Variants in CARMIL1 observed in about 807,000 individuals in gnomAD.
The protein encoded by CARMIL1 is F-actin-uncapping protein LRRC16A.
CARMIL1 carries 90 observed loss-of-function variants against 177.1 expected under a neutral mutation model. That is an observed-to-expected ratio of 0.51 (90% CI 0.43 to 0.61). The LOEUF is 0.61. CARMIL1 is among the 20% of genes least tolerant of loss of function. The pLI, the probability that CARMIL1 is intolerant of heterozygous loss-of-function variation, is 0.00. For synonymous variants in CARMIL1, 577 were observed against 606.2 expected (o/e 0.95, Z 0.71); for missense variants, 1,380 against 1,667.0 (o/e 0.83, Z 3.00).
At chr6:25,322,989 T>C (rs1429593076) in intron 2 of CARMIL1, among the ~76,000 whole-genome samples, 1 of 152,186 alleles carries the variant, frequency 6.6e-6, no homozygotes, top group Non-Finnish European at 1.5e-5. Context: ...AGAGGAGGGC[T>C]AGAATTGTGA....
intron 2 of CARMIL1, among the ~76,000 whole-genome samples, chr6:25,351,959 G>C (rs1042780367): frequency 5.9e-5 from 9 of 151,986 alleles, no homozygotes; most frequent in African/African-American, 2.2e-4. Flanking sequence ...GTGATACTGG[G>C]TCTATCAGAA....
rs57127326 is a variant in CARMIL1 at position 25,293,265 on chromosome 6, G to GGTGTGTGTGTGTGTGT, written c.138+8381_138+8396dup. 5.9e-3 allele frequency among the ~76,000 whole-genome samples: 796 copies of GGTGTGTGTGTGTGTGT among 134,354 alleles called. 9 individuals are homozygous for GGTGTGTGTGTGTGTGT. Among genetic ancestry groups the GGTGTGTGTGTGTGTGT allele is most frequent in the Middle Eastern group, 0.012 (3 of 252 alleles). The allele number at this position is 134,354 out of a possible 152,430, so 88.1% of individuals were successfully genotyped here. ...GCAAAGAGGGGAAAGAAGGATGCTT[G>GGTGTGTGTGTGTGTGT]GTGTGTGTGTGTGTGTGTGTGTGTG... On this transcript the variant is annotated intron_variant, in intron 2 of 36. Coordinates refer to ENST00000329474, the MANE Select transcript of CARMIL1 (RefSeq NM_017640.6).
At chr6:25,443,448 A>T (rs1004039945) in intron 5 of CARMIL1, among the ~76,000 whole-genome samples, 8 of 152,228 alleles carry the variant, frequency 5.3e-5, no homozygotes, top group African/African-American at 1.9e-4. Context: ...GCACTTGTAG[A>T]TCTTGTGCAT....
intron 17 of CARMIL1, among the ~76,000 whole-genome samples, chr6:25,500,613 G>A (rs190485201): frequency 6.6e-6 from 1 of 152,128 alleles, no homozygotes; most frequent in African/African-American, 2.4e-5. Flanking sequence ...TTTGTAGAGC[G>A]TGAAAGAGAA....
intron 2 of CARMIL1, among the ~76,000 whole-genome samples, chr6:25,356,047 CTTCTTTT>C (rs1350047099): frequency 7.7e-6 from 1 of 129,550 alleles, no homozygotes; most frequent in East Asian, 2.1e-4. Flanking sequence ...CCTTCTAAGA[CTTCTTTT>C]TTTTTTTTTT....
At chr6:25,325,555 G>A (rs964001083) in intron 2 of CARMIL1, among the ~76,000 whole-genome samples, 1 of 152,152 alleles carries the variant, frequency 6.6e-6, no homozygotes, top group Non-Finnish European at 1.5e-5. Context: ...GGAATTATTC[G>A]AACAATCTTA....
intron 33 of CARMIL1, among the ~76,000 whole-genome samples, chr6:25,602,452 C>T (rs746781446): frequency 6.6e-6 from 1 of 152,160 alleles, no homozygotes; most frequent in Non-Finnish European, 1.5e-5. Flanking sequence ...GTAAAGATGA[C>T]ATTTACTAGA....
intron 36 of CARMIL1, among the ~76,000 whole-genome samples, chr6:25,618,184 A>C (rs1759438313): frequency 6.6e-6 from 1 of 151,992 alleles, no homozygotes; most frequent in Admixed American, 6.6e-5. Flanking sequence ...TTGCATTTTG[A>C]CTGTTAGGTT....
chr6:25,555,815 A>G (rs540747653), intron 28 of CARMIL1, among the ~76,000 whole-genome samples: 1 of 152,108 alleles, frequency 6.6e-6, no homozygotes, highest in African/African-American at 2.4e-5. Context: ...ACTAACAGAA[A>G]TCTTCATGTG....
In CARMIL1 at chr6:25,420,039, G is replaced by A; in HGVS notation, c.139-75G>A. The A allele has an allele frequency of 2.7e-6, 3 of 1,120,880 alleles. No individual in the cohort carries two copies. The Admixed American group carries it at 5.1e-5, about 19-fold the overall frequency. The allele number at this position is 1,120,880 out of a possible 1,614,324, so 69.4% of individuals were successfully genotyped here. ...CTTCTGAGGTTTCAGTATCATTAAA[G>A]TCCCGTGGAAACACCAAAGCCCACT... On this transcript the variant is annotated intron_variant, in intron 2 of 36. Coordinates refer to ENST00000329474, the MANE Select transcript of CARMIL1 (RefSeq NM_017640.6).
chr6:25,397,784 A>G (rs911349176), intron 2 of CARMIL1, among the ~76,000 whole-genome samples: 1 of 152,124 alleles, frequency 6.6e-6, no homozygotes. Context: ...TAGGTATTCC[A>G]TCACTCAGCT....
chr6:25,486,184 G>A (rs530976065), intron 12 of CARMIL1, among the ~76,000 whole-genome samples: 1 of 152,144 alleles, frequency 6.6e-6, no homozygotes, highest in African/African-American at 2.4e-5. Context: ...TGTTTAGTTA[G>A]GGCTGTAAGA....
chr6:25,361,666 A>G (rs911246726), intron 2 of CARMIL1, among the ~76,000 whole-genome samples: 7 of 152,202 alleles, frequency 4.6e-5, no homozygotes, highest in African/African-American at 1.2e-4. Context: ...GCCAAATTTC[A>G]TGTGTTGGAA....
rs529516897 is a variant in CARMIL1, at chr6:25,592,591, C to G, written c.3007-1824C>G. On this transcript the variant is annotated intron_variant, in intron 31 of 36. Coordinates refer to ENST00000329474, the MANE Select transcript of CARMIL1 (RefSeq NM_017640.6). ...CTTTGCCTATTATCTGTTGTCTCTTCACTTTTCAGCATGTCACAAACATGA... is the reference window on the plus strand; with the variant it reads ...CTTTGCCTATTATCTGTTGTCTCTTGACTTTTCAGCATGTCACAAACATGA... Among the ~76,000 whole-genome samples, 15 of 152,324 alleles carry G rather than the reference C, an allele frequency of 9.8e-5. No individual in the cohort carries two copies. In the East Asian group the frequency reaches 2.9e-3, roughly 29 times the overall value.
chr6:25,464,847 A>G (rs1800452270), intron 8 of CARMIL1, among the ~76,000 whole-genome samples: 2 of 152,182 alleles, frequency 1.3e-5, no homozygotes, highest in Admixed American at 1.3e-4. Flanking sequence ...GCAGTAAAAG[A>G]TTATTCTGAA....
intron 12 of CARMIL1, among the ~76,000 whole-genome samples, chr6:25,487,554 G>A (rs1802789792): frequency 6.6e-6 from 1 of 152,156 alleles, no homozygotes; most frequent in African/African-American, 2.4e-5. Context: ...TGGACTTTTG[G>A]TAGAAACATG....
chr6:25,513,883 A>G (rs988697229), intron 20 of CARMIL1, among the ~76,000 whole-genome samples: 1 of 152,156 alleles, frequency 6.6e-6, no homozygotes, highest in African/African-American at 2.4e-5. Flanking sequence ...CTAGGACAAT[A>G]TAGAGGACCC....
At chr6:25,546,600 A>G (rs1051937461) in intron 26 of CARMIL1, among the ~76,000 whole-genome samples, 15 of 149,878 alleles carry the variant, frequency 1.0e-4, no homozygotes, top group Admixed American at 2.0e-4. Context: ...GGTGGGAGTG[A>G]GCTATGATTG....
chr6:25,408,292 TAAAAAAAAA>T (rs1166997029), intron 2 of CARMIL1, among the ~76,000 whole-genome samples: 1 of 96,456 alleles, frequency 1.0e-5, no homozygotes, highest in African/African-American at 4.2e-5. Context: ...TCTCTTAAAA[TAAAAAAAAA>T]AAAAAAAAAA....
Sources: gnomAD v4.1 joint callset for allele counts (sites outside exome capture counted in the v4.1 genomes callset) on GRCh38, gnomAD v4.1.1 for gene constraint, MANE v1.5 for transcripts, NCBI Gene and HGNC (gene_info 2026-07-23, HGNC 2026-07-21) for gene names.